WDR91: variants seen among roughly 807,000 people sequenced by gnomAD.
WDR91 encodes the protein WD repeat-containing protein 91.
Under a neutral mutation model 88.4 loss-of-function variants are expected in WDR91, and 52 were observed. That is an observed-to-expected ratio of 0.59 (90% CI 0.47 to 0.74). The LOEUF is 0.74. Among genes scored for constraint, WDR91 ranks in the 30% least tolerant of loss-of-function variants. The probability of loss-of-function intolerance (pLI) is 0.00; values close to 1 mark genes in which losing one functional copy is unlikely to be tolerated. For missense variants in WDR91, 824 were observed against 954.5 expected, an observed-to-expected ratio of 0.86 and a Z score of 1.80; for synonymous variants, 362 against 389.5, an observed-to-expected ratio of 0.93 and a Z score of 0.83.
rs1428428064 is a variant in WDR91, at chr7:135,196,383, C to G, written c.1051-46G>C. 1 of 1,473,932 alleles carries G rather than the reference C, an allele frequency of 6.8e-7. No homozygotes were observed. 91.3% of individuals were successfully genotyped at this position (1,473,932 alleles called of 1,614,324 possible). On this transcript the variant is annotated intron_variant, in intron 7 of 14. Coordinates refer to ENST00000354475, the MANE Select transcript of WDR91 (RefSeq NM_014149.4). The surrounding 1 kb of genome is among the most constrained non-coding windows in gnomAD (Gnocchi z 4.2). ...ACAAGTCAGCCAGGAAAGGGTCCCC[C>G]ACACCAGGGTGTACACCGCAGGGGG...
chr7:135,206,824 A>G (rs1032064087), intron 4 of WDR91, among the ~76,000 whole-genome samples: 3 of 151,696 alleles, frequency 2.0e-5, no homozygotes, highest in Admixed American at 2.0e-4. Flanking sequence ...ACACATGAAA[A>G]CAGGTTAGTT....
intron 13 of WDR91, 21 bp from the exon 14 acceptor site, chr7:135,187,190 C>T (rs909476730): frequency 6.2e-7 from 1 of 1,613,266 alleles, no homozygotes; most frequent in African/African-American, 1.3e-5. Context: ...AGGGCACAAG[C>T]AGGGTGCTCG....
intron 6 of WDR91, among the ~76,000 whole-genome samples, chr7:135,200,906 G>A (rs1831545960): frequency 1.3e-5 from 2 of 152,120 alleles, no homozygotes; most frequent in South Asian, 4.1e-4. Context: ...ACAACTTCCA[G>A]TAATTTGGTC....
At chr7:135,194,879 G>A in intron 9 of WDR91, 55 bp downstream of exon 9, 1 of 1,601,446 alleles carries the variant, frequency 6.2e-7, no homozygotes, top group Admixed American at 1.7e-5. Flanking sequence ...GGAGAACCCT[G>A]GGGAATTCCT....
Position 135,186,089 on chromosome 7 carries a change from C to G in WDR91, c.*62G>C. On this transcript the variant is annotated 3_prime_UTR_variant, in exon 15 of 15. Transcript: ENST00000354475. ...GAGTGGAGCACGTGGTTTTCCTGTC[C>G]TATATCTCCTCCCCCCACCGCAGAT... is the stretch of plus-strand genomic sequence containing the variant. 4.0e-6 allele frequency: 6 copies of G among 1,515,490 alleles called. No homozygotes were observed. In the South Asian group the frequency reaches 5.3e-5, roughly 13 times the overall value. 93.9% of individuals were successfully genotyped at this position (1,515,490 alleles called of 1,614,324 possible).
At chr7:135,194,130 C>A (rs1471769543) in intron 9 of WDR91, among the ~76,000 whole-genome samples, 1 of 151,722 alleles carries the variant, frequency 6.6e-6, no homozygotes, top group African/African-American at 2.4e-5. Context: ...CTGTAAAGAC[C>A]TCCAGAAAAA....
At position 135,186,115 on chromosome 7, in the gene WDR91, A is replaced by G. The variant is rs1830927473; in HGVS notation, c.*36T>C. 6.4e-7 allele frequency: 1 copy of G among 1,562,206 alleles called. No individual in the cohort carries two copies. The highest frequency in any genetic ancestry group is 1.2e-5 in the South Asian group (1 of 84,128). The stretch of plus-strand genomic sequence containing the variant: ...TATATCTCCTCCCCCCACCGCAGAT[A>G]ATACTGCTTCCTCGGGTGGCCCTTG... On this transcript the variant is annotated 3_prime_UTR_variant, in exon 15 of 15. Coordinates refer to ENST00000354475, the MANE Select transcript of WDR91 (RefSeq NM_014149.4).
Position 135,186,073 on chromosome 7 carries a change from A to C in WDR91, c.*78T>G. On this transcript the variant is annotated 3_prime_UTR_variant, in exon 15 of 15. Coordinates refer to ENST00000354475, the MANE Select transcript of WDR91 (RefSeq NM_014149.4). ...CACTGGCAGGGAGCTGGAGTGGAGC[A>C]CGTGGTTTTCCTGTCCTATATCTCC... 1.4e-6 allele frequency: 2 copies of C among 1,454,632 alleles called. No individual in the cohort carries two copies. Among genetic ancestry groups the C allele is most frequent in the Non-Finnish European group, 1.8e-6 (2 of 1,094,734 alleles). The allele number at this position is 1,454,632 out of a possible 1,614,324, so 90.1% of individuals were successfully genotyped here.
At position 135,209,642 on chromosome 7, in the gene WDR91, T is replaced by C. The variant is rs746973919; in HGVS notation, c.237A>G (p.Ile79Met). 2 of 1,613,410 alleles carry C rather than the reference T, an allele frequency of 1.2e-6. No homozygotes were observed. The highest frequency in any genetic ancestry group is 2.2e-5 in the South Asian group (2 of 90,906). The part of the protein sequence containing the change: ...ERRLFSRLED[I>M]YRPTIHKLKT... Reference sequence around the variant, plus strand: ...TCAGCTTGTGGATTGTGGGTCTGTATATATCCTCCAAGCGGCTGAAGAGCC... The same window carrying C: ...TCAGCTTGTGGATTGTGGGTCTGTACATATCCTCCAAGCGGCTGAAGAGCC... Residue 79 changes from isoleucine (I) to methionine (M), a missense_variant, in exon 2 of 15, where the codon ATA (isoleucine) becomes ATG (methionine). Physicochemically the swap from Ile to Met is conservative, Grantham distance 10. Coordinates refer to ENST00000354475, the MANE Select transcript of WDR91 (RefSeq NM_014149.4).
intron 11 of WDR91, among the ~76,000 whole-genome samples, chr7:135,191,510 CAGA>C (rs1297106182): frequency 7.0e-6 from 1 of 143,178 alleles, no homozygotes; most frequent in African/African-American, 2.6e-5. Flanking sequence ...GAGGTTGAGG[CAGA>C]AGAATTGCTT....
chr7:135,209,060 T>A lies in WDR91; in HGVS notation c.304-62A>T, dbSNP rs1831918915. 6 of 1,455,386 alleles carry A rather than the reference T, an allele frequency of 4.1e-6. No individual in the cohort carries two copies. The African/African-American group carries it at 7.0e-5, about 17-fold the overall frequency. The allele number at this position is 1,455,386 out of a possible 1,614,324, so 90.2% of individuals were successfully genotyped here. A position where few individuals can be genotyped will look rare whatever the true frequency, so the allele number is the denominator to read the frequency against. On this transcript the variant is annotated intron_variant, in intron 2 of 14. Transcript: ENST00000354475. ...AGACAGAAATCCAGAGGTAAGACTC[T>A]TCATCATTGCACAGCAGACAACCTT...
chr7:135,211,299 C>T lies in WDR91; in HGVS notation c.123+81G>A, dbSNP rs1375980769. 2.6e-6 allele frequency: 4 copies of T among 1,513,022 alleles called. No homozygotes were observed. The African/African-American group carries it at 4.3e-5, about 16-fold the overall frequency. 93.7% of individuals were successfully genotyped at this position (1,513,022 alleles called of 1,614,324 possible). On this transcript the variant is annotated intron_variant, in intron 1 of 14. Transcript: ENST00000354475. ...CGCGAGTGACAGCGCCGCTCTCGCC[C>T]CGGAGGCAGTGCTGGGGGGAAGCCC...
intron 9 of WDR91, among the ~76,000 whole-genome samples, chr7:135,194,286 C>T (rs1006358357): frequency 6.6e-6 from 1 of 152,180 alleles, no homozygotes; most frequent in African/African-American, 2.4e-5. Flanking sequence ...AGTGTGACCT[C>T]GGCATTCACT....
Position 135,188,442 on chromosome 7 carries a change from C to A in WDR91, c.1872G>T (p.Glu624Asp). 6.2e-7 allele frequency: 1 copy of A among 1,614,056 alleles called. No homozygotes were observed. The highest frequency in any genetic ancestry group is 1.1e-5 in the South Asian group (1 of 91,086). Residue 624 changes from glutamate to aspartate, a missense_variant, in exon 13 of 15, where the codon GAG (glutamate) becomes GAT (aspartate). Physicochemically the swap from Glu to Asp is conservative, Grantham distance 45. Coordinates refer to ENST00000354475, the MANE Select transcript of WDR91 (RefSeq NM_014149.4). The part of the protein sequence containing the change: ...YDENTVYSIG[E>D]DGKFIQWNIH... ...TCCTGCAGCCGCCTACCTTCCCGTCCTCGCCGATGCTGTACACGGTGTTCT... is the reference window on the plus strand; with the variant it reads ...TCCTGCAGCCGCCTACCTTCCCGTCATCGCCGATGCTGTACACGGTGTTCT...
chr7:135,208,235 A>G (rs1449957102), intron 3 of WDR91, among the ~76,000 whole-genome samples: 1 of 152,186 alleles, frequency 6.6e-6, no homozygotes, highest in South Asian at 2.1e-4. Flanking sequence ...GGTAGGCTGT[A>G]AATTATTTAC....
Position 135,204,164 on chromosome 7 carries a change from T to C in WDR91, c.891+104A>G, listed in dbSNP as rs1297766496. 4 of 1,382,508 alleles carry C rather than the reference T, an allele frequency of 2.9e-6. No individual in the cohort carries two copies. In the African/African-American group the frequency reaches 5.8e-5, roughly 20 times the overall value. The allele number at this position is 1,382,508 out of a possible 1,614,324, so 85.6% of individuals were successfully genotyped here. On this transcript the variant is annotated intron_variant, in intron 6 of 14. Coordinates refer to ENST00000354475, the MANE Select transcript of WDR91 (RefSeq NM_014149.4). Reference sequence around the variant, plus strand: ...ATCAACATGCCCAAGAAATCAGTCCTAAAAGGAGGGCAAACAAGTCTACAC... The same window carrying C: ...ATCAACATGCCCAAGAAATCAGTCCCAAAAGGAGGGCAAACAAGTCTACAC...
At chr7:135,202,733 T>C (rs535731274) in intron 6 of WDR91, among the ~76,000 whole-genome samples, 1 of 152,314 alleles carries the variant, frequency 6.6e-6, no homozygotes, top group Admixed American at 6.5e-5. Context: ...ATTAAACTTA[T>C]AAAATGTTGC....
chr7:135,195,118 G>C (rs533900360), intron 8 of WDR91, 34 bp from the exon 9 acceptor site: 1 of 1,598,566 alleles, frequency 6.3e-7, no homozygotes, highest in East Asian at 2.2e-5. Context: ...CTGTCAGCTG[G>C]CCTCTCAGTC....
rs1463143898 is a variant in WDR91 at position 135,187,056 on chromosome 7, T to C, written c.1995A>G (p.Gln665=). 1.2e-6 allele frequency: 2 copies of C among 1,614,258 alleles called. No individual in the cohort carries two copies. Among genetic ancestry groups the C allele is most frequent in the South Asian group, 2.2e-5 (2 of 91,088 alleles). The change falls in exon 14 of 15, where the codon CAA becomes CAG. Residue 665 remains glutamine, a synonymous_variant. Coordinates refer to ENST00000354475, the MANE Select transcript of WDR91 (RefSeq NM_014149.4). ...AAGCGAAGAGTCGGCCCCTGGGGAC[T>C]TGAACCTGCTTGTAGCCGCTGTATC... The part of the protein sequence containing the change: ...LSGYSGYKQV[Q]VPRGRLFAFD...
Sources: allele counts gnomAD v4.1 joint callset (sites outside exome capture counted in the v4.1 genomes callset), GRCh38; gene constraint gnomAD v4.1.1; non-coding constraint Gnocchi (gnomAD v3.1); transcripts MANE v1.5; gene names NCBI Gene and HGNC (gene_info 2026-07-23, HGNC 2026-07-21).